The following ITGB8 variants were observed in gnomAD, a reference collection of about 807,000 sequenced individuals.
The protein encoded by ITGB8 is integrin subunit beta 8.
A neutral mutation model predicts 89.5 loss-of-function variants in ITGB8; 30 were observed. The observed-to-expected ratio is 0.34, with a 90% CI of 0.25 to 0.45. ITGB8 has a LOEUF of 0.45. Among genes scored for constraint, ITGB8 ranks in the 20% least tolerant of loss-of-function variants. The probability of loss-of-function intolerance (pLI) is 1.00; values close to 1 mark genes in which losing one functional copy is unlikely to be tolerated. For missense variants in ITGB8, 836 were observed against 933.3 expected, an observed-to-expected ratio of 0.90 and a Z score of 1.36; for synonymous variants, 335 against 320.4, an observed-to-expected ratio of 1.05 and a Z score of -0.49.
At chr7:20,399,030 C>A in intron 9 of ITGB8, 36 bp downstream of exon 9, 1 of 1,590,908 alleles carries the variant, frequency 6.3e-7, no homozygotes, top group Non-Finnish European at 8.5e-7. Context: ...TTAAAATAAA[C>A]TAAGTTGTTT....
At position 20,401,747 on chromosome 7, in the gene ITGB8, G is replaced by C. The variant is rs1787319218; in HGVS notation, c.1308G>C (p.Met436Ile). The C allele has an allele frequency of 6.4e-7, 1 of 1,572,502 alleles. No homozygotes were observed. Among genetic ancestry groups the C allele is most frequent in the Non-Finnish European group, 8.6e-7 (1 of 1,164,990 alleles). Residue 436 changes from methionine to isoleucine, a missense_variant, in exon 10 of 14, where the codon ATG becomes ATC. This residue lies in a region of ITGB8 where 422 missense variants were observed against 416.9 expected (regional missense o/e 1.01). Transcript: ENST00000222573. ...TTCTTTTCAATGTAACAGTTACAAT[G>C]AAAAAATGTGATGTCACAGGAGGAA... Reference protein sequence around the residue: ...DEVLFNVTVTMKKCDVTGGKN... With the variant: ...DEVLFNVTVTIKKCDVTGGKN...
chr7:20,412,957 AACTTGAACAAC>A lies in ITGB8; in HGVS notation c.*2965_*2975del, dbSNP rs1269419086. ...ATTTTAAATTGTTAACAGAATTGAG[AACTTGAACAAC>A]ACTTTTAGTACTGCAGCATTTTTGT... On this transcript the variant is annotated 3_prime_UTR_variant, in exon 14 of 14. Transcript: ENST00000222573. 2.0e-5 allele frequency: 3 copies of A among 152,514 alleles called. No homozygotes were observed. The highest frequency in any genetic ancestry group is 4.4e-5 in the Non-Finnish European group (3 of 67,972). 9.4% of individuals were successfully genotyped at this position (152,514 alleles called of 1,614,324 possible).
chr7:20,390,528 A>C (rs1330080812), intron 6 of ITGB8, among the ~76,000 whole-genome samples: 1 of 152,108 alleles, frequency 6.6e-6, no homozygotes, highest in Non-Finnish European at 1.5e-5. Context: ...CATTACCACA[A>C]AGAGTGCCAC....
intron 1 of ITGB8, among the ~76,000 whole-genome samples, chr7:20,336,000 C>CTTTTTTTTTTTTTTTT (rs201113693): frequency 1.0e-5 from 1 of 96,400 alleles, no homozygotes; most frequent in Non-Finnish European, 1.9e-5. Context: ...TCTTGGTTTT[C>CTTTTTTTTTTTTTTTT]TTTTTTTTTT....
rs946551067 is a variant in ITGB8 at position 20,367,332 on chromosome 7, A to C, written c.388+146A>C. 5 of 667,306 alleles carry C rather than the reference A, an allele frequency of 7.5e-6. No homozygotes were observed. In the East Asian group the frequency reaches 1.4e-4, roughly 18 times the overall value. 41.3% of individuals were successfully genotyped at this position (667,306 alleles called of 1,614,324 possible). A position where few individuals can be genotyped will look rare whatever the true frequency, so the allele number is the denominator to read the frequency against. On this transcript the variant is annotated intron_variant, in intron 3 of 13. Coordinates refer to ENST00000222573, the MANE Select transcript of ITGB8 (RefSeq NM_002214.3). ...CTCAGAATCAAGAAATTAGAATTCTAGTCTTTATAGTGCCTGCAGCCAGCT... is the reference window on the plus strand; with the variant it reads ...CTCAGAATCAAGAAATTAGAATTCTCGTCTTTATAGTGCCTGCAGCCAGCT...
chr7:20,399,134 T>C (rs1333095836), intron 9 of ITGB8, 140 bp downstream of exon 9: 4 of 814,082 alleles, frequency 4.9e-6, no homozygotes, highest in East Asian at 2.8e-5. Flanking sequence ...GAAACTTTCA[T>C]TGTCTCTCCT....
chr7:20,415,664 C>T lies in ITGB8; in HGVS notation c.*5667C>T, dbSNP rs1787902707. ...CTAACAGAGCTTATAACAGTTAGGA[C>T]AAGGCATTTAATTAATGCATCATTC... On this transcript the variant is annotated 3_prime_UTR_variant, in exon 14 of 14. Transcript: ENST00000222573. 1 of 152,496 alleles carries T rather than the reference C, an allele frequency of 6.6e-6. No homozygotes were observed. Among genetic ancestry groups the T allele is most frequent in the African/African-American group, 2.4e-5 (1 of 41,424 alleles). The allele number at this position is 152,496 out of a possible 1,614,324, so 9.4% of individuals were successfully genotyped here.
chr7:20,360,519 T>A (rs1164158478), intron 1 of ITGB8, among the ~76,000 whole-genome samples: 1 of 152,154 alleles, frequency 6.6e-6, no homozygotes, highest in East Asian at 1.9e-4. Context: ...TTCTTCTGAG[T>A]TTCCAATGTC....
intron 1 of ITGB8, among the ~76,000 whole-genome samples, chr7:20,348,976 T>C (rs920759172): frequency 1.3e-5 from 2 of 152,242 alleles, no homozygotes; most frequent in Non-Finnish European, 2.9e-5. Flanking sequence ...ATATGGACTA[T>C]AGTTCATAAC....
chr7:20,375,752 C>T (rs562878208), intron 3 of ITGB8, among the ~76,000 whole-genome samples: 1 of 152,116 alleles, frequency 6.6e-6, no homozygotes, highest in East Asian at 1.9e-4. Flanking sequence ...AAATATTAAC[C>T]CATGGTGCCT....
upstream of ITGB8, among the ~76,000 whole-genome samples, chr7:20,330,097 A>G (rs1451912690): frequency 6.6e-6 from 1 of 152,198 alleles, no homozygotes; most frequent in Admixed American, 6.5e-5. Context: ...AACTTGCAAA[A>G]GCCCAGAGCC....
chr7:20,380,877 T>A (rs1480691384), intron 5 of ITGB8, 46 bp downstream of exon 5: 2 of 1,501,928 alleles, frequency 1.3e-6, no homozygotes, highest in Non-Finnish European at 1.8e-6. Context: ...TGCCAAACTT[T>A]CAAAGAATTT....
intron 6 of ITGB8, 104 bp from the exon 7 acceptor site, chr7:20,391,299 A>T: frequency 2.0e-6 from 1 of 499,984 alleles, no homozygotes. Flanking sequence ...AGTCCTTCCC[A>T]GGTACATTTT....
chr7:20,407,142 C>A (rs1434920950), intron 12 of ITGB8, among the ~76,000 whole-genome samples: 1 of 152,042 alleles, frequency 6.6e-6, no homozygotes, highest in Non-Finnish European at 1.5e-5. Flanking sequence ...GCCTTGACAG[C>A]CAATTTATTT....
At chr7:20,382,272 G>A (rs920608860) in intron 6 of ITGB8, among the ~76,000 whole-genome samples, 1 of 152,150 alleles carries the variant, frequency 6.6e-6, no homozygotes, top group Non-Finnish European at 1.5e-5. Context: ...AAACCTCACA[G>A]TACAATAGGT....
intron 3 of ITGB8, among the ~76,000 whole-genome samples, chr7:20,376,881 G>A (rs962300277): frequency 2.2e-4 from 33 of 152,250 alleles, no homozygotes; most frequent in African/African-American, 7.5e-4. Context: ...AGCTGACTCC[G>A]GTATACGTGC....
chr7:20,354,299 C>G (rs935234243), intron 1 of ITGB8, among the ~76,000 whole-genome samples: 4 of 152,146 alleles, frequency 2.6e-5, no homozygotes, highest in African/African-American at 9.7e-5. Flanking sequence ...GAAAAACAAA[C>G]AAACAAACAT....
chr7:20,377,049 G>C (rs1786178820), intron 3 of ITGB8, among the ~76,000 whole-genome samples: 1 of 152,102 alleles, frequency 6.6e-6, no homozygotes, highest in Admixed American at 6.5e-5. Context: ...TTCTGCTGAG[G>C]GCCCTTGTGT....
At chr7:20,407,580 T>A (rs76004623) in intron 12 of ITGB8, among the ~76,000 whole-genome samples, 1 of 152,180 alleles carries the variant, frequency 6.6e-6, no homozygotes. Context: ...GAGTTTTGTT[T>A]CCTTTTTCCC....
Sources: allele counts gnomAD v4.1 joint callset (sites outside exome capture counted in the v4.1 genomes callset), GRCh38; gene constraint gnomAD v4.1.1; regional missense constraint gnomAD v4.1.1; transcripts MANE v1.5; gene names NCBI Gene and HGNC (gene_info 2026-07-23, HGNC 2026-07-21).